AHCY: variants seen among roughly 807,000 people sequenced by gnomAD.
The protein encoded by AHCY is adenosylhomocysteinase.
In AHCY, 24 loss-of-function variants were observed where a neutral mutation model predicts 45.4. The ratio of observed to expected loss-of-function variants is 0.53; its 90% CI spans 0.38 to 0.74. The LOEUF (loss-of-function observed/expected upper bound fraction) is 0.74. Among genes scored for constraint, AHCY ranks in the 30% least tolerant of loss-of-function variants. AHCY has a pLI of 0.00. For synonymous variants in AHCY, 245 were observed against 235.1 expected (o/e 1.04, Z -0.39); for missense variants, 449 against 594.1 (o/e 0.76, Z 2.54).
rs76727543 is a variant in AHCY, at chr20:34,281,620, C to A, written c.1168-455G>T. 1.8e-3 allele frequency: 463 copies of A among 258,962 alleles called. 2 individuals are homozygous for A. Among genetic ancestry groups the A allele is most frequent in the African/African-American group, 9.3e-3 (424 of 45,400 alleles). The allele number at this position is 258,962 out of a possible 1,614,324, so 16.0% of individuals were successfully genotyped here. A position where few individuals can be genotyped will look rare whatever the true frequency, so the allele number is the denominator to read the frequency against. On this transcript the variant is annotated intron_variant, in intron 9 of 9. Coordinates refer to ENST00000217426, the MANE Select transcript of AHCY (RefSeq NM_000687.4). ...AAGATAGATCCGAGAGACAGAAGGACAGAGCCATGATGACACGGAATCCTA... is the reference window on the plus strand; with the variant it reads ...AAGATAGATCCGAGAGACAGAAGGAAAGAGCCATGATGACACGGAATCCTA...
At chr20:34,286,884 A>G (rs558267691) in intron 8 of AHCY, among the ~76,000 whole-genome samples, 2 of 148,366 alleles carry the variant, frequency 1.3e-5, no homozygotes, top group South Asian at 2.1e-4. Flanking sequence ...ATTCCCAGAG[A>G]CTCCTATTCC....
intron 1 of AHCY, among the ~76,000 whole-genome samples, chr20:34,298,504 G>A (rs577350513): frequency 1.8e-4 from 28 of 151,904 alleles, no homozygotes; most frequent in African/African-American, 6.0e-4. Flanking sequence ...TGACGCCAGC[G>A]TCTGGGAAGA....
At chr20:34,275,612 C>G (rs921394879), downstream of AHCY, among the ~76,000 whole-genome samples, 1 of 151,942 alleles carries the variant, frequency 6.6e-6, no homozygotes, top group African/African-American at 2.4e-5. Flanking sequence ...TAAAACATGT[C>G]TAGATTCAGC....
chr20:34,302,054 G>A (rs963730289), intron 1 of AHCY: 108 of 921,682 alleles, frequency 1.2e-4, no homozygotes, highest in Middle Eastern at 5.5e-4. Context: ...AGGTTGGAGC[G>A]TGGTGGTGCA....
chr20:34,290,270 G>A lies in AHCY; in HGVS notation c.972+62C>T. 8 of 1,511,404 alleles carry A rather than the reference G, an allele frequency of 5.3e-6. No individual in the cohort carries two copies. Among genetic ancestry groups the A allele is most frequent in the Non-Finnish European group, 7.3e-6 (8 of 1,091,636 alleles). 93.6% of individuals were successfully genotyped at this position (1,511,404 alleles called of 1,614,324 possible). A position where few individuals can be genotyped will look rare whatever the true frequency, so the allele number is the denominator to read the frequency against. ...ACCATCTCCTCAGCTCTCCTCCCTG[G>A]CAGCCAGCACTCCTCTGCACTCCCA... is the stretch of plus-strand genomic sequence containing the variant. On this transcript the variant is annotated intron_variant, in intron 8 of 9. Transcript: ENST00000217426. The surrounding 1 kb of genome is among the most constrained non-coding windows in gnomAD (Gnocchi z 4.5).
chr20:34,279,757 T>C (rs2035948523), downstream of AHCY, among the ~76,000 whole-genome samples: 1 of 152,144 alleles, frequency 6.6e-6, no homozygotes, highest in Non-Finnish European at 1.5e-5. Context: ...GGCCATTGAG[T>C]GTGACTTAAG....
the AHCY span, among the ~76,000 whole-genome samples, chr20:34,239,103 C>T: frequency 6.6e-6 from 1 of 152,184 alleles, no homozygotes; most frequent in Non-Finnish European, 1.5e-5. Context: ...TCTCTAGAAA[C>T]TTGATATCTT....
chr20:34,296,497 AT>A (rs1302087582), intron 1 of AHCY, among the ~76,000 whole-genome samples: 1 of 152,230 alleles, frequency 6.6e-6, no homozygotes, highest in East Asian at 1.9e-4. Context: ...AACAAAAAGT[AT>A]TTCAGGTGCT....
chr20:34,303,198 G>A (rs1298421387), intron 1 of AHCY, 45 bp downstream of exon 1: 3 of 1,550,598 alleles, frequency 1.9e-6, no homozygotes, highest in Non-Finnish European at 2.6e-6. Flanking sequence ...CAAGCCCCGG[G>A]CGGGTGCCGG....
chr20:34,243,760 A>T, the AHCY span, among the ~76,000 whole-genome samples: 6 of 145,854 alleles, frequency 4.1e-5, no homozygotes, highest in African/African-American at 1.5e-4. Flanking sequence ...ATTGTATTTA[A>T]AAAAAAAAAA....
chr20:34,280,850 C>T lies in AHCY; in HGVS notation c.*184G>A. 1.1e-6 allele frequency: 1 copy of T among 883,998 alleles called. No homozygotes were observed. The highest frequency in any genetic ancestry group is 1.7e-6 in the Non-Finnish European group (1 of 576,766). The allele number at this position is 883,998 out of a possible 1,614,324, so 54.8% of individuals were successfully genotyped here. ...CGGGGCTTGAAGAGGGTACTCTGTT[C>T]CCGCTGCCACATTTGGAACAGTATG... On this transcript the variant is annotated 3_prime_UTR_variant, in exon 10 of 10. Transcript: ENST00000217426.
At chr20:34,237,062 G>T in the AHCY span, among the ~76,000 whole-genome samples, 1 of 152,018 alleles carries the variant, frequency 6.6e-6, no homozygotes, top group Non-Finnish European at 1.5e-5. Flanking sequence ...TCTATTATGG[G>T]TTTATTTATT....
At chr20:34,273,982 TG>T in the AHCY span, among the ~76,000 whole-genome samples, 114,565 of 151,990 alleles carry the variant, frequency 0.75, 46,099 homozygotes, top group Non-Finnish European at 0.89. Flanking sequence ...CACCTTCTAA[TG>T]GTGAGAATGA....
At chr20:34,292,260 G>A (rs1468263922) in intron 4 of AHCY, 98 bp downstream of exon 4, 1 of 1,427,718 alleles carries the variant, frequency 7.0e-7, no homozygotes, top group Non-Finnish European at 9.6e-7. Flanking sequence ...CCTGCTGCTT[G>A]AGGTGATGGG....
chr20:34,235,860 GGAAGGAAAGGAA>G, the AHCY span, among the ~76,000 whole-genome samples: 6 of 32,102 alleles, frequency 1.9e-4, no homozygotes, highest in East Asian at 3.7e-3. Flanking sequence ...AAGGAAGGAA[GGAAGGAAAGGAA>G]GGAAGGAAGG....
At chr20:34,247,099 C>T in the AHCY span, among the ~76,000 whole-genome samples, 1 of 151,604 alleles carries the variant, frequency 6.6e-6, no homozygotes, top group Non-Finnish European at 1.5e-5. Context: ...CTTAGGTGAT[C>T]CACCTGCCTC....
chr20:34,268,776 G>C, the AHCY span, among the ~76,000 whole-genome samples: 1 of 151,846 alleles, frequency 6.6e-6, no homozygotes, highest in Non-Finnish European at 1.5e-5. Flanking sequence ...ACACAAACTA[G>C]GGAGAAGACG....
the AHCY span, among the ~76,000 whole-genome samples, chr20:34,243,695 T>C: frequency 1.3e-5 from 2 of 151,192 alleles, no homozygotes; most frequent in African/African-American, 4.9e-5. Context: ...TCACAGTTAA[T>C]GCAGAATTTC....
At chr20:34,262,756 C>T in the AHCY span, 12 of 1,546,040 alleles carry the variant, frequency 7.8e-6, no homozygotes, top group Admixed American at 2.0e-4. Context: ...CCCAAGCCCC[C>T]TCTGCCCCTC....
Sources: allele counts gnomAD v4.1 joint callset (sites outside exome capture counted in the v4.1 genomes callset), GRCh38; gene constraint gnomAD v4.1.1; non-coding constraint Gnocchi (gnomAD v3.1); transcripts MANE v1.5; gene names NCBI Gene and HGNC (gene_info 2026-07-23, HGNC 2026-07-21).